The following PURB variants were observed in gnomAD, a reference collection of about 807,000 sequenced individuals.
The protein encoded by PURB is transcriptional regulator protein Pur-beta.
PURB carries 11 observed loss-of-function variants against 21.1 expected under a neutral mutation model. That is an observed-to-expected ratio of 0.52 (90% CI 0.33 to 0.86). The LOEUF (loss-of-function observed/expected upper bound fraction) is 0.86. Among genes scored for constraint, PURB ranks in the 40% least tolerant of loss-of-function variants. The pLI, the probability that PURB is intolerant of heterozygous loss-of-function variation, is 0.02. For missense variants in PURB, 357 were observed against 456.5 expected (o/e 0.78, Z 1.99); for synonymous variants, 246 against 210.8 (o/e 1.17, Z -1.45).
rs1172551061 is a variant in PURB at position 44,879,481 on chromosome 7, T to C, written c.*4929A>G. ...CCACCCACACACCCATTATCCAGTA[T>C]ACTGAATGGGAGTTGTAACTCTTTA... On this transcript the variant is annotated 3_prime_UTR_variant, in exon 1 of 1. Transcript: ENST00000395699. 7.1e-6 allele frequency: 1 copy of C among 140,428 alleles called. No individual in the cohort carries two copies. The highest frequency in any genetic ancestry group is 1.6e-5 in the Non-Finnish European group (1 of 64,418). 8.7% of individuals were successfully genotyped at this position (140,428 alleles called of 1,614,324 possible). A position where few individuals can be genotyped will look rare whatever the true frequency, so the allele number is the denominator to read the frequency against.
rs1158892598 is a variant in PURB at position 44,879,931 on chromosome 7, T to C, written c.*4479A>G. ...TCACTTGATATTTTTTCAAGTGAAG[T>C]ACAAAGTAGAAAAGGAGCAAAAAGA... On this transcript the variant is annotated 3_prime_UTR_variant, in exon 1 of 1. Transcript: ENST00000395699. The C allele has an allele frequency of 6.6e-6, 1 of 152,460 alleles. No individual in the cohort carries two copies. Among genetic ancestry groups the C allele is most frequent in the African/African-American group, 2.4e-5 (1 of 41,458 alleles). The allele number at this position is 152,460 out of a possible 1,614,324, so 9.4% of individuals were successfully genotyped here. A position where few individuals can be genotyped will look rare whatever the true frequency, so the allele number is the denominator to read the frequency against.
rs1793853759 is a variant in PURB, at chr7:44,879,968, C to T, written c.*4442G>A. 1 of 152,238 alleles carries T rather than the reference C, an allele frequency of 6.6e-6. No individual in the cohort carries two copies. Among genetic ancestry groups the T allele is most frequent in the Admixed American group, 6.6e-5 (1 of 15,266 alleles). 9.4% of individuals were successfully genotyped at this position (152,238 alleles called of 1,614,324 possible). ...AAGGAGCAAAAAGATGGAGGCTCTG[C>T]TCTCTGAACAGGCCTTATGCATGTG... On this transcript the variant is annotated 3_prime_UTR_variant, in exon 1 of 1. Transcript: ENST00000395699.
At position 44,885,301 on chromosome 7, in the gene PURB, C is replaced by A. The variant is rs534085521; in HGVS notation, c.48G>T (p.Pro16=). ...SGSERGGGGG[P]CGFQPASRGG... ...CGCGGGACGCGGGCTGGAACCCGCA[C>A]GGCCCACCGCCGCCGCCGCGCTCGC... The change falls in exon 1 of 1, where the codon CCG becomes CCT. Residue 16 remains proline, a synonymous_variant. Coordinates refer to ENST00000395699, the MANE Select transcript of PURB (RefSeq NM_033224.5). 2.8e-6 allele frequency: 4 copies of A among 1,411,722 alleles called. No individual in the cohort carries two copies. Among genetic ancestry groups the A allele is most frequent in the African/African-American group, 1.5e-5 (1 of 67,080 alleles). The allele number at this position is 1,411,722 out of a possible 1,614,324, so 87.4% of individuals were successfully genotyped here.
chr7:44,885,153 C>T lies in PURB; in HGVS notation c.196G>A (p.Ala66Thr). The T allele has an allele frequency of 6.4e-7, 1 of 1,572,252 alleles. No homozygotes were observed. Among genetic ancestry groups the T allele is most frequent in the East Asian group, 2.4e-5 (1 of 41,194 alleles). ...GTGAGGCGGCTCTTGGAACCGCCCGCGCCCACCTCGGCGATCTTGAGGAAG... is the reference window on the plus strand; with the variant it reads ...GTGAGGCGGCTCTTGGAACCGCCCGTGCCCACCTCGGCGATCTTGAGGAAG... ...GRFLKIAEVG[A>T]GGSKSRLTLS... is the part of the protein sequence containing the mutation. The change falls in exon 1 of 1, where the codon GCG (alanine) becomes ACG (threonine). Residue 66 changes from alanine to threonine, a missense_variant. Physicochemically the swap from Ala to Thr is moderately conservative, Grantham distance 58. Transcript: ENST00000395699.
At position 44,880,529 on chromosome 7, in the gene PURB, G is replaced by T. The variant is rs1381254488; in HGVS notation, c.*3881C>A. 1 of 152,596 alleles carries T rather than the reference G, an allele frequency of 6.6e-6. No homozygotes were observed. Among genetic ancestry groups the T allele is most frequent in the East Asian group, 1.9e-4 (1 of 5,200 alleles). 9.5% of individuals were successfully genotyped at this position (152,596 alleles called of 1,614,324 possible). ...TCTACACCCCTGTAAAGCCAGTCAAGGTCACATTTAACAAAGCATCTTCAG... is the reference window on the plus strand; with the variant it reads ...TCTACACCCCTGTAAAGCCAGTCAATGTCACATTTAACAAAGCATCTTCAG... On this transcript the variant is annotated 3_prime_UTR_variant, in exon 1 of 1. Transcript: ENST00000395699.
rs375472281 is a variant in PURB at position 44,882,720 on chromosome 7, A to T, written c.*1690T>A. ...GGGGCAGGCATGCAGTTTAAAAAAA[A>T]TACTAAGATTGTGGAGGCGGGGTTA... On this transcript the variant is annotated 3_prime_UTR_variant, in exon 1 of 1. Transcript: ENST00000395699. 5.9e-5 allele frequency: 9 copies of T among 152,344 alleles called. No homozygotes were observed. In the East Asian group the frequency reaches 1.3e-3, roughly 23 times the overall value. The allele number at this position is 152,344 out of a possible 1,614,324, so 9.4% of individuals were successfully genotyped here. A position where few individuals can be genotyped will look rare whatever the true frequency, so the allele number is the denominator to read the frequency against.
Position 44,885,120 on chromosome 7 carries a change from T to C in PURB, c.229A>G (p.Met77Val), listed in dbSNP as rs757906610. 6.3e-7 allele frequency: 1 copy of C among 1,575,634 alleles called. No individual in the cohort carries two copies. The highest frequency in any genetic ancestry group is 8.6e-7 in the Non-Finnish European group (1 of 1,166,348). ...GGSKSRLTLSMAVAAEFRDSL... is the reference protein window; with the variant it reads ...GGSKSRLTLSVAVAAEFRDSL... ...TCGCGGAACTCGGCGGCCACCGCCATGGACAGCGTGAGGCGGCTCTTGGAA... is the reference window on the plus strand; with the variant it reads ...TCGCGGAACTCGGCGGCCACCGCCACGGACAGCGTGAGGCGGCTCTTGGAA... The change falls in exon 1 of 1, where the codon ATG (methionine) becomes GTG (valine). Residue 77 changes from methionine to valine, a missense_variant. Coordinates refer to ENST00000395699, the MANE Select transcript of PURB (RefSeq NM_033224.5).
Position 44,884,691 on chromosome 7 carries a change from G to A in PURB, c.658C>T (p.Pro220Ser). ...GPGGGLYGELPEGTSITVDSK... is the reference protein window; with the variant it reads ...GPGGGLYGELSEGTSITVDSK... ...TCCACGGTGATGGAGGTGCCCTCCG[G>A]GAGCTCTCCATACAGGCCGCCCCCT... The change falls in exon 1 of 1, where the codon CCG becomes TCG. Residue 220 changes from proline to serine, a missense_variant. Pro to Ser is a moderately conservative substitution (Grantham distance 74). Transcript: ENST00000395699. 6.2e-7 allele frequency: 1 copy of A among 1,613,974 alleles called. No homozygotes were observed. Among genetic ancestry groups the A allele is most frequent in the Non-Finnish European group, 8.5e-7 (1 of 1,180,030 alleles).
rs997713806 is a variant in PURB, at chr7:44,884,119, A to G, written c.*291T>C. ...CTCCAGGGATTATCCTGATGGGTTT[A>G]CGAACCTCAGTTGAGAAACAACAGA... On this transcript the variant is annotated 3_prime_UTR_variant, in exon 1 of 1. Coordinates refer to ENST00000395699, the MANE Select transcript of PURB (RefSeq NM_033224.5). The G allele has an allele frequency of 3.5e-6, 2 of 565,988 alleles. No homozygotes were observed. The highest frequency in any genetic ancestry group is 1.9e-5 in the African/African-American group (1 of 53,130). 35.1% of individuals were successfully genotyped at this position (565,988 alleles called of 1,614,324 possible).
In PURB at chr7:44,882,928, G is replaced by C. The variant is rs902982869; in HGVS notation, c.*1482C>G. On this transcript the variant is annotated 3_prime_UTR_variant, in exon 1 of 1. Transcript: ENST00000395699. The stretch of plus-strand genomic sequence containing the variant: ...CTGAAAATCCATTTAAAATATAGAA[G>C]AGGCGATCCTTGAAAACCCCAACTT... The C allele has an allele frequency of 6.6e-6, 1 of 152,298 alleles. No homozygotes were observed. The highest frequency in any genetic ancestry group is 1.5e-5 in the Non-Finnish European group (1 of 68,016). The allele number at this position is 152,298 out of a possible 1,614,324, so 9.4% of individuals were successfully genotyped here. A position where few individuals can be genotyped will look rare whatever the true frequency, so the allele number is the denominator to read the frequency against.
In PURB at chr7:44,885,062, T is replaced by C; in HGVS notation, c.287A>G (p.Gln96Arg). Reference sequence around the variant, plus strand: ...CTGCTCGGGGCTGCTAGGGCCCAGCTGCGCGTAGTGTTCTATGAAGTCGCC... The same window carrying C: ...CTGCTCGGGGCTGCTAGGGCCCAGCCGCGCGTAGTGTTCTATGAAGTCGCC... ...SLGDFIEHYA[Q>R]LGPSSPEQLA... The change falls in exon 1 of 1, where the codon CAG becomes CGG. Residue 96 changes from glutamine to arginine, a missense_variant. By Grantham distance (43) the Gln-to-Arg change is conservative. Transcript: ENST00000395699. The C allele has an allele frequency of 6.4e-7, 1 of 1,570,326 alleles. No individual in the cohort carries two copies. The highest frequency in any genetic ancestry group is 2.4e-5 in the East Asian group (1 of 41,776).
chr7:44,877,356 T>C lies in PURB; in HGVS notation c.*7054A>G, dbSNP rs2128691033. 1 of 152,366 alleles carries C rather than the reference T, an allele frequency of 6.6e-6. No homozygotes were observed. The highest frequency in any genetic ancestry group is 6.5e-5 in the Admixed American group (1 of 15,306). 9.4% of individuals were successfully genotyped at this position (152,366 alleles called of 1,614,324 possible). ...AGAAGTCCAGATACACTGACGATCT[T>C]AGTTACTATTCAAATATTGGTAAGT... On this transcript the variant is annotated 3_prime_UTR_variant, in exon 1 of 1. Transcript: ENST00000395699.
rs1296466901 is a variant in PURB at position 44,884,720 on chromosome 7, C to G, written c.629G>C (p.Gly210Ala). 2 of 1,612,624 alleles carry G rather than the reference C, an allele frequency of 1.2e-6. No homozygotes were observed. Residue 210 changes from glycine (G) to alanine (A), a missense_variant, in exon 1 of 1, where the codon GGC becomes GCC. By Grantham distance (60) the Gly-to-Ala change is moderately conservative. Coordinates refer to ENST00000395699, the MANE Select transcript of PURB (RefSeq NM_033224.5). ...CTCTCCATACAGGCCGCCCCCTGGG[C>G]CCCCGGCGCCGCCTCCCGGGCCGCC... ...LAGGPGGGAG[G>A]PGGGLYGELP... is the part of the protein sequence containing the mutation.
Position 44,885,317 on chromosome 7 carries a change from C to T in PURB, c.32G>A (p.Gly11Asp), listed in dbSNP as rs780632040. MADGDSGSER[G>D]GGGGPCGFQP... ...GAACCCGCACGGCCCACCGCCGCCGCCGCGCTCGCTGCCGCTGTCGCCGTC... is the reference window on the plus strand; with the variant it reads ...GAACCCGCACGGCCCACCGCCGCCGTCGCGCTCGCTGCCGCTGTCGCCGTC... Residue 11 changes from glycine to aspartate, a missense_variant, in exon 1 of 1, where the codon GGC becomes GAC. Physicochemically the swap from Gly to Asp is moderately conservative, Grantham distance 94. Coordinates refer to ENST00000395699, the MANE Select transcript of PURB (RefSeq NM_033224.5). 65 of 1,344,840 alleles carry T rather than the reference C, an allele frequency of 4.8e-5. 1 individual carries two copies. Among genetic ancestry groups the T allele is most frequent in the Non-Finnish European group, 5.8e-5 (61 of 1,054,816 alleles). 83.3% of individuals were successfully genotyped at this position (1,344,840 alleles called of 1,614,324 possible). A position where few individuals can be genotyped will look rare whatever the true frequency, so the allele number is the denominator to read the frequency against.
chr7:44,884,973 G>C lies in PURB; in HGVS notation c.376C>G (p.Arg126Gly). 1 of 1,568,350 alleles carries C rather than the reference G, an allele frequency of 6.4e-7. No individual in the cohort carries two copies. The change falls in exon 1 of 1, where the codon CGT becomes GGT. Residue 126 changes from arginine (R) to glycine (G), a missense_variant. Transcript: ENST00000395699. ...TCCAGGTAGTACTTGCGGTTCTCAC[G>C]CACCAAGAATTCGCTCTTGAGCGCG... The part of the protein sequence containing the change: ...RRALKSEFLV[R>G]ENRKYYLDLK...
rs1009355981 is a variant in PURB, at chr7:44,880,955, G to T, written c.*3455C>A. 6.6e-6 allele frequency: 1 copy of T among 152,554 alleles called. No homozygotes were observed. Among genetic ancestry groups the T allele is most frequent in the Non-Finnish European group, 1.5e-5 (1 of 68,002 alleles). 9.5% of individuals were successfully genotyped at this position (152,554 alleles called of 1,614,324 possible). A position where few individuals can be genotyped will look rare whatever the true frequency, so the allele number is the denominator to read the frequency against. ...TTGGTGCCATACAGATTTATATTTT[G>T]TTCTTGTGCAGCATATGCACTGAAA... On this transcript the variant is annotated 3_prime_UTR_variant, in exon 1 of 1. Coordinates refer to ENST00000395699, the MANE Select transcript of PURB (RefSeq NM_033224.5).
chr7:44,883,029 C>A lies in PURB; in HGVS notation c.*1381G>T, dbSNP rs1296034678. The A allele has an allele frequency of 6.6e-6, 1 of 152,442 alleles. No homozygotes were observed. Among genetic ancestry groups the A allele is most frequent in the Non-Finnish European group, 1.5e-5 (1 of 68,030 alleles). 9.4% of individuals were successfully genotyped at this position (152,442 alleles called of 1,614,324 possible). A position where few individuals can be genotyped will look rare whatever the true frequency, so the allele number is the denominator to read the frequency against. ...TTTCAAGATGGTATAAAAATGCTTC[C>A]AGGATATAGTCAGCATATTCACGTT... On this transcript the variant is annotated 3_prime_UTR_variant, in exon 1 of 1. Coordinates refer to ENST00000395699, the MANE Select transcript of PURB (RefSeq NM_033224.5).
At position 44,880,818 on chromosome 7, in the gene PURB, G is replaced by A. The variant is rs1280021469; in HGVS notation, c.*3592C>T. On this transcript the variant is annotated 3_prime_UTR_variant, in exon 1 of 1. Coordinates refer to ENST00000395699, the MANE Select transcript of PURB (RefSeq NM_033224.5). ...TTTGCAGTAAATAATTATGGAAAGT[G>A]ATGTGACAAGTAGCCATGTGTGTAT... The A allele has an allele frequency of 2.0e-5, 3 of 152,664 alleles. No individual in the cohort carries two copies. Among genetic ancestry groups the A allele is most frequent in the Non-Finnish European group, 2.9e-5 (2 of 68,050 alleles). 9.5% of individuals were successfully genotyped at this position (152,664 alleles called of 1,614,324 possible).
chr7:44,884,121 G>A lies in PURB; in HGVS notation c.*289C>T, dbSNP rs185001470. 1.5e-4 allele frequency: 84 copies of A among 574,958 alleles called. 1 individual carries two copies. The Admixed American group carries it at 2.9e-3, about 20-fold the overall frequency. The allele number at this position is 574,958 out of a possible 1,614,324, so 35.6% of individuals were successfully genotyped here. A position where few individuals can be genotyped will look rare whatever the true frequency, so the allele number is the denominator to read the frequency against. The stretch of plus-strand genomic sequence containing the variant: ...CCAGGGATTATCCTGATGGGTTTAC[G>A]AACCTCAGTTGAGAAACAACAGAAG... On this transcript the variant is annotated 3_prime_UTR_variant, in exon 1 of 1. Transcript: ENST00000395699.
Sources: gnomAD v4.1 joint callset for allele counts on GRCh38, gnomAD v4.1.1 for gene constraint, MANE v1.5 for transcripts, NCBI Gene and HGNC (gene_info 2026-07-23, HGNC 2026-07-21) for gene names.